SMG7: variants seen among roughly 807,000 people sequenced by gnomAD.
The protein encoded by SMG7 is SMG7 nonsense mediated mRNA decay factor, also known as nonsense-mediated mRNA decay factor SMG7.
SMG7 carries 34 observed loss-of-function variants against 148.2 expected under a neutral mutation model. The observed-to-expected ratio is 0.23, with a 90% CI of 0.17 to 0.31. SMG7 has a LOEUF of 0.31. SMG7 is among the 10% of genes least tolerant of loss of function. The pLI, the probability that SMG7 is intolerant of heterozygous loss-of-function variation, is 1.00. For missense variants in SMG7, 1,114 were observed against 1,408.4 expected (o/e 0.79, Z 3.35); for synonymous variants, 492 against 515.1 (o/e 0.96, Z 0.61).
intron 1 of SMG7, among the ~76,000 whole-genome samples, chr1:183,484,783 TTTA>T (rs1170205107): frequency 1.3e-5 from 2 of 152,192 alleles, no homozygotes; most frequent in African/African-American, 4.8e-5. Flanking sequence ...GGTATGTGAT[TTTA>T]TTATTTTATA....
In SMG7 at chr1:183,553,610, C is replaced by G. The variant is rs541115225; in HGVS notation, c.*1679C>G. 2 of 150,156 alleles carry G rather than the reference C, an allele frequency of 1.3e-5. No homozygotes were observed. The highest frequency in any genetic ancestry group is 1.4e-4 in the Admixed American group (2 of 14,512). The allele number at this position is 150,156 out of a possible 1,614,324, so 9.3% of individuals were successfully genotyped here. A position where few individuals can be genotyped will look rare whatever the true frequency, so the allele number is the denominator to read the frequency against. On this transcript the variant is annotated 3_prime_UTR_variant, in exon 23 of 23. Coordinates refer to ENST00000688051, the MANE Select transcript of SMG7 (RefSeq NM_001375584.1). Reference sequence around the variant, plus strand: ...GCTCTTCAGAGAGAGTGGTTGGAGCCCCCCCCGCCCCGTATGCTTACATTA... The same window carrying G: ...GCTCTTCAGAGAGAGTGGTTGGAGCGCCCCCCGCCCCGTATGCTTACATTA...
Position 183,553,116 on chromosome 1 carries a change from T to G in SMG7, c.*1185T>G. On this transcript the variant is annotated 3_prime_UTR_variant, in exon 23 of 23. Transcript: ENST00000688051. The stretch of plus-strand genomic sequence containing the variant: ...CCAGCCTCCACTTTCAGAGTGAAAT[T>G]CAAGGCAGCACGGACATGTGCCCAT... 3.3e-6 allele frequency: 5 copies of G among 1,536,260 alleles called. No individual in the cohort carries two copies. The highest frequency in any genetic ancestry group is 4.4e-6 in the Non-Finnish European group (5 of 1,146,920).
chr1:183,529,273 GC>G, intron 7 of SMG7, 124 bp from the exon 8 acceptor site: 1 of 1,091,442 alleles, frequency 9.2e-7, no homozygotes, highest in Non-Finnish European at 1.3e-6. Context: ...TGAGTGTGTT[GC>G]AGTTGAAAAA....
At chr1:183,513,158 A>G (rs1328694084) in intron 2 of SMG7, 1 of 300,732 alleles carries the variant, frequency 3.3e-6, no homozygotes, top group Non-Finnish European at 5.9e-6. Flanking sequence ...ATGATTTAAG[A>G]CATACAGAAA....
At chr1:183,506,424 A>G (rs961532424) in intron 1 of SMG7, among the ~76,000 whole-genome samples, 1 of 152,038 alleles carries the variant, frequency 6.6e-6, no homozygotes, top group African/African-American at 2.4e-5. Flanking sequence ...AATATGATTT[A>G]TTTTTCTCTG....
intron 10 of SMG7, among the ~76,000 whole-genome samples, chr1:183,536,917 C>T (rs80169138): frequency 1.3e-5 from 2 of 152,120 alleles, no homozygotes; most frequent in Non-Finnish European, 2.9e-5. Context: ...AAATGATCTA[C>T]AGTGGTAGTA....
At chr1:183,493,605 G>A (rs1306330548) in intron 1 of SMG7, among the ~76,000 whole-genome samples, 2 of 151,974 alleles carry the variant, frequency 1.3e-5, no homozygotes, top group Admixed American at 6.6e-5. Flanking sequence ...TTATTGAGAC[G>A]GAGTCTTGCT....
At position 183,502,479 on chromosome 1, in the gene SMG7, T is replaced by C. The variant is rs1659955907; in HGVS notation, c.30-10358T>C. The C allele has an allele frequency of 1.0e-5, 11 of 1,074,078 alleles. No homozygotes were observed. In the South Asian group the frequency reaches 2.2e-4, roughly 21 times the overall value. The allele number at this position is 1,074,078 out of a possible 1,614,324, so 66.5% of individuals were successfully genotyped here. On this transcript the variant is annotated intron_variant, in intron 1 of 22. Transcript: ENST00000688051. ...CATACTCTGTGAATACTAATAAAAT[T>C]AGAAACTTCCTGAAACATTTGATTT... is the stretch of plus-strand genomic sequence containing the variant.
intron 6 of SMG7, among the ~76,000 whole-genome samples, chr1:183,528,362 TCC>T (rs1386467487): frequency 6.6e-6 from 1 of 151,732 alleles, no homozygotes; most frequent in Non-Finnish European, 1.5e-5. Context: ...ACCATTCCCC[TCC>T]CCCCAGAAAA....
chr1:183,515,248 T>G (rs919479286), intron 2 of SMG7, among the ~76,000 whole-genome samples: 11 of 151,502 alleles, frequency 7.3e-5, no homozygotes, highest in African/African-American at 2.6e-4. Flanking sequence ...AAATGACTAA[T>G]GTGGATTGCT....
chr1:183,528,653 T>C (rs1476784541), intron 6 of SMG7, among the ~76,000 whole-genome samples: 4 of 152,192 alleles, frequency 2.6e-5, no homozygotes, highest in Non-Finnish European at 5.9e-5. Context: ...TTATTTATAA[T>C]CTAGCCCTTG....
chr1:183,512,794 TTC>T, intron 1 of SMG7, 41 bp from the exon 2 acceptor site: 1 of 1,557,332 alleles, frequency 6.4e-7, no homozygotes, highest in Non-Finnish European at 8.7e-7. Context: ...CCTCGTTTGT[TTC>T]TAACTGATAC....
intron 1 of SMG7, among the ~76,000 whole-genome samples, chr1:183,490,814 C>T (rs1346267447): frequency 2.6e-5 from 4 of 152,174 alleles, no homozygotes; most frequent in African/African-American, 9.7e-5. Context: ...GAGATGGAGT[C>T]TCACTCTGTC....
At chr1:183,522,296 A>C (rs974053462) in intron 4 of SMG7, among the ~76,000 whole-genome samples, 2 of 152,184 alleles carry the variant, frequency 1.3e-5, no homozygotes, top group Non-Finnish European at 2.9e-5. Context: ...ACCCTGACTT[A>C]GTCAGATGGT....
chr1:183,526,315 AT>A (rs897644281), intron 4 of SMG7, among the ~76,000 whole-genome samples: 25 of 147,230 alleles, frequency 1.7e-4, no homozygotes, highest in East Asian at 2.0e-4. Flanking sequence ...CTCCCGGCTG[AT>A]TTTTTTTTTG....
chr1:183,494,970 A>G (rs570287279), intron 1 of SMG7, among the ~76,000 whole-genome samples: 1 of 151,768 alleles, frequency 6.6e-6, no homozygotes, highest in East Asian at 1.9e-4. Context: ...CTGGGACTAC[A>G]GACACACGCC....
intron 15 of SMG7, among the ~76,000 whole-genome samples, chr1:183,544,706 A>G (rs1334817086): frequency 6.6e-6 from 1 of 152,302 alleles, no homozygotes; most frequent in East Asian, 1.9e-4. Context: ...TCCTATCACT[A>G]AATACAGAAG....
chr1:183,498,441 C>G (rs75788963), intron 1 of SMG7, among the ~76,000 whole-genome samples: 9 of 152,000 alleles, frequency 5.9e-5, no homozygotes, highest in Non-Finnish European at 7.4e-5. Flanking sequence ...AAGAAGGAGC[C>G]TAGGAGGTTG....
chr1:183,526,638 T>A lies in SMG7; in HGVS notation c.355T>A (p.Cys119Ser). 4 of 1,613,568 alleles carry A rather than the reference T, an allele frequency of 2.5e-6. No homozygotes were observed. The highest frequency in any genetic ancestry group is 3.4e-6 in the Non-Finnish European group (4 of 1,179,622). The change falls in exon 5 of 23, where the codon TGC (cysteine) becomes AGC (serine). Residue 119 changes from cysteine (C) to serine (S), a missense_variant. Transcript: ENST00000688051. Reference protein sequence around the residue: ...LCTVFNVDLPCRVKSSQLGII... With the variant: ...LCTVFNVDLPSRVKSSQLGII... ...TACAGTATTTAATGTAGATTTACCA[T>A]GCCGTGTGAAGTCTTCCCAATTGGG...
Sources: allele counts gnomAD v4.1 joint callset (sites outside exome capture counted in the v4.1 genomes callset), GRCh38; gene constraint gnomAD v4.1.1; transcripts MANE v1.5; gene names NCBI Gene and HGNC (gene_info 2026-07-23, HGNC 2026-07-21).